The following LYPLAL1 variants were observed in gnomAD, a reference collection of about 807,000 sequenced individuals.
LYPLAL1 encodes lysophospholipase-like protein 1.
LYPLAL1 carries 23 observed loss-of-function variants against 19.7 expected under a neutral mutation model. That is an observed-to-expected ratio of 1.17 (90% CI 0.84 to 1.65). LYPLAL1 has a LOEUF of 1.65. LYPLAL1 is among the 40% of genes most tolerant of loss of function. LYPLAL1 has a pLI of 0.00. For missense variants in LYPLAL1, 355 were observed against 279.4 expected (o/e 1.27, Z -1.93); for synonymous variants, 119 against 96.3 (o/e 1.24, Z -1.38).
chr1:219,299,562 A>C, the LYPLAL1 span, among the ~76,000 whole-genome samples: 2 of 152,056 alleles, frequency 1.3e-5, no homozygotes, highest in African/African-American at 4.8e-5. Flanking sequence ...GGAAAGTTCA[A>C]ATCAGAAAGG....
the LYPLAL1 span, among the ~76,000 whole-genome samples, chr1:219,337,327 T>C: frequency 6.6e-6 from 1 of 152,066 alleles, no homozygotes. Flanking sequence ...GATTGTCAAA[T>C]TGATGTTAAA....
At chr1:219,231,684 G>A in the LYPLAL1 span, among the ~76,000 whole-genome samples, 5 of 152,172 alleles carry the variant, frequency 3.3e-5, no homozygotes, top group South Asian at 6.2e-4. Context: ...TTAAACAGAT[G>A]GCAAAAACAC....
the LYPLAL1 span, among the ~76,000 whole-genome samples, chr1:219,297,367 G>A: frequency 1.3e-5 from 2 of 152,164 alleles, no homozygotes; most frequent in Non-Finnish European, 2.9e-5. Flanking sequence ...CCTCTGTTCA[G>A]TTTTGCTCTG....
At chr1:219,241,729 G>A in the LYPLAL1 span, among the ~76,000 whole-genome samples, 1 of 152,198 alleles carries the variant, frequency 6.6e-6, no homozygotes, top group Non-Finnish European at 1.5e-5. Context: ...CTGTGCTTGT[G>A]AGATAGAAAA....
the LYPLAL1 span, among the ~76,000 whole-genome samples, chr1:219,429,840 T>A: frequency 2.0e-5 from 3 of 152,146 alleles, no homozygotes; most frequent in African/African-American, 7.2e-5. Context: ...GAAATTCAGT[T>A]GTACATGAAG....
In LYPLAL1 at chr1:219,173,880, T is replaced by G. The variant is rs370051851; in HGVS notation, c.-11T>G. ...AGGGGCGGAACCGCATGACTGGCAG[T>G]GGCATCAGCGATGGCGGCTGCGTCG... On this transcript the variant is annotated 5_prime_UTR_variant, in exon 1 of 5. Transcript: ENST00000366928. The G allele has an allele frequency of 1.2e-6, 2 of 1,611,374 alleles. No individual in the cohort carries two copies. The highest frequency in any genetic ancestry group is 1.3e-5 in the African/African-American group (1 of 74,936).
chr1:219,437,450 G>A, the LYPLAL1 span, among the ~76,000 whole-genome samples: 4 of 151,934 alleles, frequency 2.6e-5, no homozygotes, highest in Non-Finnish European at 4.4e-5. Context: ...GGACCTCACT[G>A]TCTCTTACCC....
chr1:219,419,594 C>CACACAGAGAGAG, the LYPLAL1 span, among the ~76,000 whole-genome samples: 7,090 of 99,064 alleles, frequency 0.072, 446 homozygotes, highest in Non-Finnish European at 0.097. Context: ...CACACACACA[C>CACACAGAGAGAG]AGAGAGAGAG....
chr1:219,175,183 G>A, intron 1 of LYPLAL1: 1 of 806,026 alleles, frequency 1.2e-6, no homozygotes, highest in Non-Finnish European at 1.5e-6. Flanking sequence ...AGTAGTGGCG[G>A]ATTTGGGATT....
chr1:219,364,810 T>C, the LYPLAL1 span, among the ~76,000 whole-genome samples: 1 of 152,162 alleles, frequency 6.6e-6, no homozygotes, highest in African/African-American at 2.4e-5. Context: ...AACTTCTAGA[T>C]AATCAGGATA....
the LYPLAL1 span, among the ~76,000 whole-genome samples, chr1:219,387,999 T>A: frequency 6.6e-6 from 1 of 152,202 alleles, no homozygotes; most frequent in Non-Finnish European, 1.5e-5. Flanking sequence ...CATGAAAAGC[T>A]TTCCCAATAC....
chr1:219,424,327 A>G, the LYPLAL1 span, among the ~76,000 whole-genome samples: 1 of 152,200 alleles, frequency 6.6e-6, no homozygotes, highest in South Asian at 2.1e-4. Flanking sequence ...CACTTTCTAA[A>G]ATCAAATTTC....
the LYPLAL1 span, among the ~76,000 whole-genome samples, chr1:219,245,847 G>A: frequency 0.018 from 2,673 of 152,022 alleles, 41 homozygotes; most frequent in Non-Finnish European, 0.028. Context: ...TATAAAATTC[G>A]ACCCATTTCA....
chr1:219,175,668 G>C (rs769540184), intron 1 of LYPLAL1, among the ~76,000 whole-genome samples: 3 of 152,140 alleles, frequency 2.0e-5, no homozygotes, highest in African/African-American at 4.8e-5. Context: ...CCAAGTATGC[G>C]AGTATAATGT....
chr1:219,331,954 A>T, the LYPLAL1 span, among the ~76,000 whole-genome samples: 14 of 152,162 alleles, frequency 9.2e-5, no homozygotes, highest in Non-Finnish European at 1.6e-4. Flanking sequence ...TTGTTAATTA[A>T]TGCTAGGTTG....
the LYPLAL1 span, among the ~76,000 whole-genome samples, chr1:219,218,783 A>C: frequency 6.6e-6 from 1 of 152,122 alleles, no homozygotes; most frequent in African/African-American, 2.4e-5. Flanking sequence ...CTGCAATGAA[A>C]TCAGTTCAAT....
chr1:219,241,257 T>C, the LYPLAL1 span, among the ~76,000 whole-genome samples: 1 of 149,972 alleles, frequency 6.7e-6, no homozygotes, highest in East Asian at 2.0e-4. Context: ...ATCTTACTAT[T>C]TGGAGTAGAA....
At chr1:219,308,901 C>A in the LYPLAL1 span, among the ~76,000 whole-genome samples, 6 of 152,176 alleles carry the variant, frequency 3.9e-5, no homozygotes, top group African/African-American at 1.4e-4. Context: ...AGAGAGCCAG[C>A]GTTCTCCAGA....
At chr1:219,378,798 G>A in the LYPLAL1 span, among the ~76,000 whole-genome samples, 12 of 152,114 alleles carry the variant, frequency 7.9e-5, no homozygotes, top group Admixed American at 7.2e-4. Context: ...AAGGCTGAGG[G>A]GAGGTGGAGG....
Sources: allele counts gnomAD v4.1 joint callset (sites outside exome capture counted in the v4.1 genomes callset), GRCh38; gene constraint gnomAD v4.1.1; transcripts MANE v1.5; gene names NCBI Gene and HGNC (gene_info 2026-07-23, HGNC 2026-07-21).